Variants in ZCWPW2 observed in about 807,000 individuals in gnomAD.
ZCWPW2 encodes the protein zinc finger CW-type and PWWP domain containing 2.
ZCWPW2 carries 45 observed loss-of-function variants against 46.6 expected under a neutral mutation model. The observed-to-expected ratio is 0.96, with a 90% CI of 0.76 to 1.24. The LOEUF (loss-of-function observed/expected upper bound fraction) is 1.24, where lower values mean the gene tolerates loss of function less well. ZCWPW2 is among the 50% of genes most tolerant of loss of function. The pLI is 0.00. For missense variants in ZCWPW2, 429 were observed against 403.9 expected (o/e 1.06, Z -0.53); for synonymous variants, 152 against 137.1 (o/e 1.11, Z -0.76).
At chr3:28,366,699 A>G (rs1705130593) in intron 1 of ZCWPW2, among the ~76,000 whole-genome samples, 1 of 152,006 alleles carries the variant, frequency 6.6e-6, no homozygotes, top group South Asian at 2.1e-4. Context: ...TATTGATTGG[A>G]ATAGTTTCAG....
chr3:28,353,672 G>GT (rs758984515), intron 1 of ZCWPW2, among the ~76,000 whole-genome samples: 217 of 151,616 alleles, frequency 1.4e-3, no homozygotes, highest in African/African-American at 3.0e-3. Flanking sequence ...GCTGACAGAG[G>GT]TTTTTTTTTC....
At chr3:28,405,974 A>G (rs1263970931) in intron 2 of ZCWPW2, among the ~76,000 whole-genome samples, 1 of 152,214 alleles carries the variant, frequency 6.6e-6, no homozygotes, top group Non-Finnish European at 1.5e-5. Context: ...AGGAAAGGCC[A>G]TCCTTGTTAT....
chr3:28,466,641 A>G (rs979416909), intron 4 of ZCWPW2, among the ~76,000 whole-genome samples: 1 of 152,112 alleles, frequency 6.6e-6, no homozygotes, highest in Non-Finnish European at 1.5e-5. Flanking sequence ...TCTATTAAAA[A>G]TACAAAAATT....
At chr3:28,516,437 C>T (rs943241205) in intron 8 of ZCWPW2, among the ~76,000 whole-genome samples, 1 of 152,128 alleles carries the variant, frequency 6.6e-6, no homozygotes, top group African/African-American at 2.4e-5. Context: ...GGGCTTCCAA[C>T]TAAATTGTCG....
At chr3:28,379,021 G>A (rs943791090) in intron 1 of ZCWPW2, among the ~76,000 whole-genome samples, 1 of 152,148 alleles carries the variant, frequency 6.6e-6, no homozygotes, top group Non-Finnish European at 1.5e-5. Context: ...AAAATATCAG[G>A]TGTGCCTTAT....
chr3:28,491,076 A>T (rs1699795760), intron 5 of ZCWPW2, among the ~76,000 whole-genome samples: 1 of 152,146 alleles, frequency 6.6e-6, no homozygotes, highest in African/African-American at 2.4e-5. Context: ...AACTAACCAT[A>T]ATACAAGGAA....
At chr3:28,457,630 G>A (rs2125785370) in intron 4 of ZCWPW2, among the ~76,000 whole-genome samples, 1 of 152,316 alleles carries the variant, frequency 6.6e-6, no homozygotes, top group East Asian at 1.9e-4. Context: ...CAGCACTTTA[G>A]ATAAGCACTG....
intron 4 of ZCWPW2, among the ~76,000 whole-genome samples, chr3:28,473,475 A>C (rs1203666915): frequency 1.4e-5 from 2 of 141,586 alleles, no homozygotes; most frequent in Admixed American, 1.4e-4. Flanking sequence ...ACTTTGTCGC[A>C]AAAAAAAAAC....
intron 4 of ZCWPW2, among the ~76,000 whole-genome samples, chr3:28,439,849 G>A (rs190237499): frequency 1.3e-5 from 2 of 152,344 alleles, no homozygotes; most frequent in South Asian, 4.1e-4. Flanking sequence ...AACAAAGAAA[G>A]AGCAAATACT....
chr3:28,381,575 T>A (rs981174707), intron 1 of ZCWPW2, among the ~76,000 whole-genome samples: 1 of 152,086 alleles, frequency 6.6e-6, no homozygotes, highest in Non-Finnish European at 1.5e-5. Flanking sequence ...CGTATGTGAA[T>A]GTTAGAACAC....
At chr3:28,462,893 T>C (rs1698694505) in intron 4 of ZCWPW2, among the ~76,000 whole-genome samples, 1 of 152,184 alleles carries the variant, frequency 6.6e-6, no homozygotes, top group Non-Finnish European at 1.5e-5. Context: ...ATTCAACTTC[T>C]TCCTTAAGGA....
chr3:28,516,875 G>A (rs1700587535), intron 8 of ZCWPW2, among the ~76,000 whole-genome samples: 2 of 151,266 alleles, frequency 1.3e-5, no homozygotes, highest in South Asian at 2.1e-4. Context: ...AACTGGGCAT[G>A]GTGGCACATG....
rs7650919 is a variant in ZCWPW2, at chr3:28,354,395, C to T, written c.-134+5192C>T. Among the ~76,000 whole-genome samples the T allele has an allele frequency of 6.5e-5, 9 of 138,972 alleles. 1 individual carries two copies. The highest frequency in any genetic ancestry group is 7.7e-5 in the African/African-American group (3 of 39,212). The allele number at this position is 138,972 out of a possible 152,430, so 91.2% of individuals were successfully genotyped here. ...AATGAACAAAAAGTCTAGGACCAGA[C>T]GGATTCACAGCCAAATTCTACCAGA... On this transcript the variant is annotated intron_variant, in intron 1 of 9. Coordinates refer to ENST00000383768, the MANE Select transcript of ZCWPW2 (RefSeq NM_001040432.4).
In ZCWPW2 at chr3:28,376,498, C is replaced by T. The variant is rs138750497; in HGVS notation, c.-133-14000C>T. ...CACCAACTTACAGTACTAGAGTTCG[C>T]GGTTTGTCTCTGTACTCAATTTTCC... On this transcript the variant is annotated intron_variant, in intron 1 of 9. Transcript: ENST00000383768. Among the ~76,000 whole-genome samples the T allele has an allele frequency of 1.2e-3, 179 of 152,134 alleles. 1 individual carries two copies. The highest frequency in any genetic ancestry group is 4.1e-3 in the African/African-American group (169 of 41,524).
Position 28,409,945 on chromosome 3 carries a change from A to AG in ZCWPW2, c.-13-3109dup, listed in dbSNP as rs149290735. The stretch of plus-strand genomic sequence containing the variant: ...ATCCCAACTATATATTGTTTACAGG[A>AG]GGCAGAGATAAGGAAACCCATAATA... On this transcript the variant is annotated intron_variant, in intron 2 of 9. Transcript: ENST00000383768. Among the ~76,000 whole-genome samples, 1,041 of 152,224 alleles carry AG rather than the reference A, an allele frequency of 6.8e-3. 10 individuals carry two copies. Among genetic ancestry groups the AG allele is most frequent in the African/African-American group, 0.023 (945 of 41,564 alleles).
rs112546635 is a variant in ZCWPW2, at chr3:28,515,785, T to C, written c.784+164T>C. ...CATGTGCGTACATATGTATACATTTTTACACATATATATGTGTGTGTGTAT... is the reference window on the plus strand; with the variant it reads ...CATGTGCGTACATATGTATACATTTCTACACATATATATGTGTGTGTGTAT... On this transcript the variant is annotated intron_variant, in intron 8 of 9. Coordinates refer to ENST00000383768, the MANE Select transcript of ZCWPW2 (RefSeq NM_001040432.4). Among the ~76,000 whole-genome samples, 649 of 151,970 alleles carry C rather than the reference T, an allele frequency of 4.3e-3. 5 individuals are homozygous for C. Among genetic ancestry groups the C allele is most frequent in the Middle Eastern group, 0.017 (5 of 294 alleles).
chr3:28,497,287 T>TTG (rs554869677), intron 6 of ZCWPW2, among the ~76,000 whole-genome samples: 213 of 145,542 alleles, frequency 1.5e-3, no homozygotes, highest in African/African-American at 4.9e-3. Flanking sequence ...TGTTTTGTGA[T>TTG]TTTTTTTTTA....
chr3:28,393,017 C>G (rs527282055), intron 2 of ZCWPW2, among the ~76,000 whole-genome samples: 16 of 151,808 alleles, frequency 1.1e-4, no homozygotes, highest in African/African-American at 3.9e-4. Flanking sequence ...GAAACTAAAA[C>G]TGGTTTTTTG....
At chr3:28,407,501 G>A (rs1696213277) in intron 2 of ZCWPW2, among the ~76,000 whole-genome samples, 1 of 152,052 alleles carries the variant, frequency 6.6e-6, no homozygotes, top group Admixed American at 6.6e-5. Context: ...AATATGCTAG[G>A]AGTTCAATAT....
Sources: allele counts gnomAD v4.1 joint callset (sites outside exome capture counted in the v4.1 genomes callset), GRCh38; gene constraint gnomAD v4.1.1; transcripts MANE v1.5; gene names NCBI Gene and HGNC (gene_info 2026-07-23, HGNC 2026-07-21).